DNAI2: variants seen among roughly 807,000 people sequenced by gnomAD.
DNAI2 encodes dynein axonemal intermediate chain 2.
In DNAI2, 63 loss-of-function variants were observed where a neutral mutation model predicts 74.7. The observed-to-expected ratio is 0.84, with a 90% CI of 0.69 to 1.04. DNAI2 has a LOEUF of 1.04. DNAI2 is among the 50% of genes least tolerant of loss of function. DNAI2 has a pLI of 0.00. For synonymous variants in DNAI2, 289 were observed against 314.9 expected (o/e 0.92, Z 0.87); for missense variants, 688 against 803.2 (o/e 0.86, Z 1.73).
intron 8 of DNAI2, among the ~76,000 whole-genome samples, chr17:74,304,186 C>CTTTTTTTTTTTT (rs56696514): frequency 4.3e-3 from 289 of 67,616 alleles, no homozygotes; most frequent in Non-Finnish European, 5.8e-3. Context: ...TTTCTTTTTT[C>CTTTTTTTTTTTT]TTTTTTTTTT....
At chr17:74,288,923 T>C (rs370535730) in intron 4 of DNAI2, among the ~76,000 whole-genome samples, 1 of 152,180 alleles carries the variant, frequency 6.6e-6, no homozygotes, top group South Asian at 2.1e-4. Flanking sequence ...TGGGTCTGGG[T>C]GATGCAGGAC....
intron 5 of DNAI2, among the ~76,000 whole-genome samples, chr17:74,290,609 C>CAGAG (rs2052029446): frequency 6.6e-6 from 1 of 152,206 alleles, no homozygotes; most frequent in African/African-American, 2.4e-5. Context: ...TCCAACAGCT[C>CAGAG]AGCGAGTTCT....
chr17:74,314,623 C>G lies in DNAI2; in HGVS notation c.*90C>G. ...CAGACTTGCATGGCCATGGCAGGGC[C>G]TCGGGAAGACCTTCAGGAGTGGGGA... On this transcript the variant is annotated 3_prime_UTR_variant, in exon 14 of 14. Transcript: ENST00000311014. 5 of 237,116 alleles carry G rather than the reference C, an allele frequency of 2.1e-5. No homozygotes were observed. Among genetic ancestry groups the G allele is most frequent in the Non-Finnish European group, 1.7e-5 (2 of 116,560 alleles). 14.7% of individuals were successfully genotyped at this position (237,116 alleles called of 1,614,324 possible). A position where few individuals can be genotyped will look rare whatever the true frequency, so the allele number is the denominator to read the frequency against.
At chr17:74,313,518 C>T (rs1220046965) in intron 12 of DNAI2, among the ~76,000 whole-genome samples, 1 of 152,166 alleles carries the variant, frequency 6.6e-6, no homozygotes, top group African/African-American at 2.4e-5. Context: ...CACTGGCCAC[C>T]TTTTACAACG....
At chr17:74,309,878 A>G in intron 10 of DNAI2, 139 bp from the exon 11 acceptor site, 1 of 1,143,476 alleles carries the variant, frequency 8.7e-7, no homozygotes, top group Non-Finnish European at 1.3e-6. Context: ...CCGAGTTTGA[A>G]CTTCATCCTG....
intron 11 of DNAI2, among the ~76,000 whole-genome samples, chr17:74,311,536 G>T (rs575947958): frequency 6.6e-6 from 1 of 152,286 alleles, no homozygotes; most frequent in African/African-American, 2.4e-5. Flanking sequence ...TTGCTTGAAC[G>T]TGGGAAGCAG....
chr17:74,305,099 G>A (rs576545577), intron 8 of DNAI2, 120 bp from the exon 9 acceptor site: 3 of 1,017,090 alleles, frequency 2.9e-6, no homozygotes, highest in Non-Finnish European at 4.5e-6. Context: ...CCTTGCCAAG[G>A]CTTGATCTGA....
At chr17:74,275,706 GAC>G (rs1271675595) in intron 1 of DNAI2, among the ~76,000 whole-genome samples, 2 of 151,524 alleles carry the variant, frequency 1.3e-5, no homozygotes, top group African/African-American at 4.9e-5. Context: ...CAGCCTAGGT[GAC>G]AGACTGAGAC....
chr17:74,307,373 T>C (rs1342930196), intron 9 of DNAI2: 2 of 452,582 alleles, frequency 4.4e-6, no homozygotes, highest in Non-Finnish European at 8.9e-6. Flanking sequence ...CAAATAAGAA[T>C]ATTTGACCCT....
chr17:74,284,394 G>C (rs912059991), intron 2 of DNAI2, among the ~76,000 whole-genome samples: 2 of 152,068 alleles, frequency 1.3e-5, no homozygotes, highest in Non-Finnish European at 2.9e-5. Context: ...GTGAAGAAAG[G>C]CTATTCACTT....
intron 1 of DNAI2, among the ~76,000 whole-genome samples, chr17:74,281,181 CA>C (rs573804092): frequency 5.1e-4 from 78 of 151,926 alleles, no homozygotes; most frequent in African/African-American, 1.6e-3. Flanking sequence ...CCAGCTGCAG[CA>C]TGCATTAGCT....
At position 74,305,561 on chromosome 17, in the gene DNAI2, C is replaced by CA. The variant is rs1598331199; in HGVS notation, c.1211+122dup. On this transcript the variant is annotated intron_variant, in intron 9 of 13. Transcript: ENST00000311014. ...TGTAAAATGGAGAAAAACCTTTCCA[C>CA]AAACACCCGAGCTCGTGTTAGCAAG... 1.4e-5 allele frequency: 12 copies of CA among 858,586 alleles called. No individual in the cohort carries two copies. In the South Asian group the frequency reaches 2.0e-4, roughly 15 times the overall value. 53.2% of individuals were successfully genotyped at this position (858,586 alleles called of 1,614,324 possible). A position where few individuals can be genotyped will look rare whatever the true frequency, so the allele number is the denominator to read the frequency against.
chr17:74,302,483 C>T (rs1881423767), intron 8 of DNAI2, among the ~76,000 whole-genome samples: 1 of 152,112 alleles, frequency 6.6e-6, no homozygotes. Flanking sequence ...AGGAGAATTG[C>T]TTGAACCTGG....
Position 74,276,386 on chromosome 17 carries a change from C to T in DNAI2, c.-12+2041C>T, listed in dbSNP as rs141256139. Among the ~76,000 whole-genome samples the T allele has an allele frequency of 2.2e-4, 34 of 152,260 alleles. 1 individual carries two copies. The East Asian group carries it at 6.4e-3, about 29-fold the overall frequency. ...CTCTAGGTTCCCACGGGGGGAGGATCTCCCCCCAAAACTCCAGAGGGCAGT... is the reference window on the plus strand; with the variant it reads ...CTCTAGGTTCCCACGGGGGGAGGATTTCCCCCCAAAACTCCAGAGGGCAGT... On this transcript the variant is annotated intron_variant, in intron 1 of 13. Transcript: ENST00000311014.
At position 74,280,341 on chromosome 17, in the gene DNAI2, G is replaced by A. The variant is rs575122014; in HGVS notation, c.-11-1466G>A. 6.6e-5 allele frequency among the ~76,000 whole-genome samples: 10 copies of A among 152,342 alleles called. No individual in the cohort carries two copies. In the East Asian group the frequency reaches 1.7e-3, roughly 26 times the overall value. The stretch of plus-strand genomic sequence containing the variant: ...GTGTGTCAGGTCTCAGAAAGACTAA[G>A]TGGCCCTGCCTAGGTCACGCAGCTG... On this transcript the variant is annotated intron_variant, in intron 1 of 13. Coordinates refer to ENST00000311014, the MANE Select transcript of DNAI2 (RefSeq NM_023036.6).
intron 8 of DNAI2, 82 bp from the exon 9 acceptor site, chr17:74,305,137 C>G (rs2053106543): frequency 2.7e-6 from 4 of 1,466,698 alleles, no homozygotes; most frequent in Non-Finnish European, 3.8e-6. Context: ...GCAGACCCCC[C>G]AAGCAAGCTC....
intron 4 of DNAI2, among the ~76,000 whole-genome samples, chr17:74,289,145 G>C (rs183196535): frequency 6.6e-6 from 1 of 152,342 alleles, no homozygotes; most frequent in South Asian, 2.1e-4. Flanking sequence ...AGGGCATGGC[G>C]GGGCAGAGGC....
intron 12 of DNAI2, 192 bp from the exon 13 acceptor site, chr17:74,313,929 C>A: frequency 1.3e-6 from 1 of 778,632 alleles, no homozygotes; most frequent in Non-Finnish European, 2.0e-6. Context: ...CCAGATTCCC[C>A]CAGCTCTGCC....
intron 6 of DNAI2, among the ~76,000 whole-genome samples, chr17:74,296,341 A>C (rs1442776954): frequency 8.4e-6 from 1 of 119,728 alleles, no homozygotes; most frequent in African/African-American, 2.8e-5. Context: ...GAGGAGAGAG[A>C]GAGAGGAGAG....
Sources: allele counts gnomAD v4.1 joint callset (sites outside exome capture counted in the v4.1 genomes callset), GRCh38; gene constraint gnomAD v4.1.1; transcripts MANE v1.5; gene names NCBI Gene and HGNC (gene_info 2026-07-23, HGNC 2026-07-21).